The following ANGPT2 variants were observed in gnomAD, a reference collection of about 807,000 sequenced individuals.
ANGPT2 encodes angiopoietin 2, also known as angiopoietin-2.
A neutral mutation model predicts 62.9 loss-of-function variants in ANGPT2; 28 were observed. The observed-to-expected ratio is 0.44, with a 90% CI of 0.33 to 0.61. The LOEUF is 0.61. Among genes scored for constraint, ANGPT2 ranks in the 20% least tolerant of loss-of-function variants. The probability of loss-of-function intolerance (pLI) is 0.03; values close to 1 mark genes in which losing one functional copy is unlikely to be tolerated. For synonymous variants in ANGPT2, 284 were observed against 207.8 expected (o/e 1.37, Z -3.15); for missense variants, 727 against 594.9 (o/e 1.22, Z -2.31).
intron 7 of ANGPT2, 66 bp downstream of exon 7, chr8:6,513,612 C>T (rs35473795): frequency 0.3 from 427,424 of 1,409,356 alleles, 70,712 homozygotes; most frequent in Middle Eastern, 0.36. Flanking sequence ...GGATTACAGG[C>T]GTGAGCCACC....
intron 2 of ANGPT2, among the ~76,000 whole-genome samples, chr8:6,528,631 GCT>G (rs1818841419): frequency 6.6e-6 from 1 of 152,384 alleles, no homozygotes; most frequent in African/African-American, 2.4e-5. Context: ...GAGCAGTGCG[GCT>G]CTCCCGCGGA....
chr8:6,536,997 C>T (rs1328731862), intron 1 of ANGPT2, among the ~76,000 whole-genome samples: 3 of 150,650 alleles, frequency 2.0e-5, no homozygotes, highest in African/African-American at 7.3e-5. Flanking sequence ...AAAACCAACC[C>T]AGTAAATAAG....
chr8:6,544,212 G>A (rs1187618313), intron 1 of ANGPT2, among the ~76,000 whole-genome samples: 2 of 152,190 alleles, frequency 1.3e-5, no homozygotes, highest in Non-Finnish European at 2.9e-5. Flanking sequence ...TTCAAATGTT[G>A]ATAGTGAAGC....
At position 6,499,926 on chromosome 8, in the gene ANGPT2, T is replaced by C. The variant is rs779110517; in HGVS notation, c.*3175A>G. On this transcript the variant is annotated 3_prime_UTR_variant, in exon 9 of 9. Transcript: ENST00000629816. ...AACTGTCTCACCACTTCCCTGCAGC[T>C]CCCGTAAGTCAGATGTTGTTTTACG... 19 of 1,613,150 alleles carry C rather than the reference T, an allele frequency of 1.2e-5. No individual in the cohort carries two copies. Among genetic ancestry groups the C allele is most frequent in the Non-Finnish European group, 8.5e-7 (1 of 1,179,552 alleles).
At chr8:6,512,288 C>T (rs1420885057) in intron 7 of ANGPT2, among the ~76,000 whole-genome samples, 5 of 152,150 alleles carry the variant, frequency 3.3e-5, no homozygotes, top group South Asian at 2.1e-4. Flanking sequence ...GCCGCTTCTC[C>T]GTGCTGCCCA....
intron 1 of ANGPT2, among the ~76,000 whole-genome samples, chr8:6,555,217 A>G (rs1334664678): frequency 1.3e-5 from 2 of 152,146 alleles, no homozygotes; most frequent in Admixed American, 1.3e-4. Context: ...TCCAGTCTGT[A>G]GAATGTGAGA....
intron 7 of ANGPT2, among the ~76,000 whole-genome samples, chr8:6,509,711 C>G (rs1814567548): frequency 6.6e-6 from 1 of 152,196 alleles, no homozygotes; most frequent in East Asian, 1.9e-4. Context: ...AGCCCATTTT[C>G]TGTTGAAAAT....
intron 3 of ANGPT2, among the ~76,000 whole-genome samples, chr8:6,522,446 A>G (rs1586336248): frequency 6.6e-6 from 1 of 152,010 alleles, no homozygotes; most frequent in African/African-American, 2.4e-5. Flanking sequence ...TATAGACATT[A>G]TTATTCCCAT....
At chr8:6,509,772 C>G (rs1052965219) in intron 7 of ANGPT2, among the ~76,000 whole-genome samples, 1 of 152,210 alleles carries the variant, frequency 6.6e-6, no homozygotes, top group Non-Finnish European at 1.5e-5. Flanking sequence ...AGCATCATAG[C>G]TTAGCTCTAG....
chr8:6,558,100 C>T (rs1379360402), intron 1 of ANGPT2, among the ~76,000 whole-genome samples: 1 of 152,144 alleles, frequency 6.6e-6, no homozygotes, highest in Admixed American at 6.5e-5. Flanking sequence ...GTCTTCCTTC[C>T]AACCTCTCGT....
At chr8:6,559,297 T>G (rs1207384042) in intron 1 of ANGPT2, among the ~76,000 whole-genome samples, 1 of 151,720 alleles carries the variant, frequency 6.6e-6, no homozygotes, top group East Asian at 1.9e-4. Flanking sequence ...GCTAGCGGGC[T>G]GGGTTCCCCT....
intron 8 of ANGPT2, among the ~76,000 whole-genome samples, chr8:6,506,937 G>A (rs904202635): frequency 1.1e-4 from 16 of 150,868 alleles, no homozygotes; most frequent in East Asian, 1.9e-4. Flanking sequence ...CACTCTTGTC[G>A]TCCAGGCTGG....
At position 6,513,671 on chromosome 8, in the gene ANGPT2, C is replaced by G. The variant is rs1047400577; in HGVS notation, c.1196+7G>C. 1.2e-6 allele frequency: 2 copies of G among 1,603,682 alleles called. No homozygotes were observed. The highest frequency in any genetic ancestry group is 1.7e-6 in the Non-Finnish European group (2 of 1,176,044). On this transcript the variant is annotated splice_region_variant and intron_variant, in intron 7 of 8. Transcript: ENST00000629816. ...TTTTTTCTTTCAATTACCATGAACT[C>G]ACTTACCTATAATTGAGTTCTTCAC...
intron 1 of ANGPT2, among the ~76,000 whole-genome samples, chr8:6,556,479 C>T (rs553469744): frequency 6.9e-6 from 1 of 145,220 alleles, no homozygotes; most frequent in African/African-American, 2.6e-5. Flanking sequence ...ACACGCCTGA[C>T]TCCCTTTGTG....
intron 3 of ANGPT2, among the ~76,000 whole-genome samples, chr8:6,526,800 C>T (rs1455462720): frequency 6.6e-6 from 1 of 152,140 alleles, no homozygotes; most frequent in Admixed American, 6.5e-5. Context: ...GAAATAGGCA[C>T]ACCAGGTATG....
intron 1 of ANGPT2, among the ~76,000 whole-genome samples, chr8:6,543,246 C>T (rs1332546892): frequency 6.6e-6 from 1 of 152,198 alleles, no homozygotes; most frequent in Non-Finnish European, 1.5e-5. Context: ...CACGAAGACT[C>T]AGCGGGAACA....
chr8:6,524,255 A>G (rs971478399), intron 3 of ANGPT2, among the ~76,000 whole-genome samples: 1 of 152,198 alleles, frequency 6.6e-6, no homozygotes, highest in Non-Finnish European at 1.5e-5. Context: ...TATGTCAATG[A>G]TGGCATCTTT....
intron 1 of ANGPT2, among the ~76,000 whole-genome samples, chr8:6,543,099 G>C (rs2922868): frequency 0.26 from 38,821 of 151,144 alleles, 5,139 homozygotes; most frequent in African/African-American, 0.32. Context: ...AGAAACCCCC[G>C]CAACTCCACC....
intron 1 of ANGPT2, among the ~76,000 whole-genome samples, chr8:6,545,419 C>T (rs1325982963): frequency 5.3e-5 from 8 of 152,172 alleles, no homozygotes; most frequent in Non-Finnish European, 4.4e-5. Context: ...TGTTGTGACA[C>T]TATGACCCTA....
Sources: gnomAD v4.1 joint callset for allele counts (sites outside exome capture counted in the v4.1 genomes callset) on GRCh38, gnomAD v4.1.1 for gene constraint, MANE v1.5 for transcripts, NCBI Gene and HGNC (gene_info 2026-07-23, HGNC 2026-07-21) for gene names.